The following BBS9 variants were observed in gnomAD, a reference collection of about 807,000 sequenced individuals.
The protein encoded by BBS9 is protein PTHB1.
Under a neutral mutation model 117.7 loss-of-function variants are expected in BBS9, and 89 were observed. That is an observed-to-expected ratio of 0.76 (90% CI 0.64 to 0.90). BBS9 has a LOEUF of 0.90. BBS9 is among the 40% of genes least tolerant of loss of function. The pLI is 0.00. For missense variants in BBS9, 982 were observed against 1,042.2 expected (o/e 0.94, Z 0.80); for synonymous variants, 379 against 370.9 (o/e 1.02, Z -0.25).
intron 5 of BBS9, among the ~76,000 whole-genome samples, chr7:33,209,897 T>C (rs1382181088): frequency 6.6e-6 from 1 of 152,158 alleles, no homozygotes; most frequent in African/African-American, 2.4e-5. Flanking sequence ...CATTTATATC[T>C]GCTCTAATCT....
At chr7:33,306,186 A>G (rs564600830) in intron 9 of BBS9, among the ~76,000 whole-genome samples, 4 of 152,004 alleles carry the variant, frequency 2.6e-5, no homozygotes, top group African/African-American at 7.2e-5. Flanking sequence ...TTTAGTTTCC[A>G]TGTGTTTGTA....
intron 10 of BBS9, among the ~76,000 whole-genome samples, chr7:33,337,313 A>G (rs1039625565): frequency 6.6e-6 from 1 of 152,108 alleles, no homozygotes; most frequent in South Asian, 2.1e-4. Flanking sequence ...TTCCCTTTTC[A>G]GGGTCAGGTA....
chr7:33,404,251 G>T (rs1829500353), intron 19 of BBS9, among the ~76,000 whole-genome samples: 1 of 152,084 alleles, frequency 6.6e-6, no homozygotes, highest in South Asian at 2.1e-4. Context: ...CTGTAGCCTT[G>T]TAGTATAGTT....
At chr7:33,366,938 AT>A (rs1169989549) in intron 16 of BBS9, among the ~76,000 whole-genome samples, 1 of 152,154 alleles carries the variant, frequency 6.6e-6, no homozygotes, top group Non-Finnish European at 1.5e-5. Context: ...GGAGTTCTTC[AT>A]GGATGGTAGT....
At chr7:33,215,854 A>G (rs1277906364) in intron 5 of BBS9, among the ~76,000 whole-genome samples, 2 of 152,266 alleles carry the variant, frequency 1.3e-5, no homozygotes, top group Non-Finnish European at 1.5e-5. Flanking sequence ...GAATAATTTT[A>G]TGATTAGATT....
chr7:33,243,438 C>A (rs565589531), intron 5 of BBS9, among the ~76,000 whole-genome samples: 137 of 152,252 alleles, frequency 9.0e-4, no homozygotes, highest in Middle Eastern at 3.4e-3. Context: ...ATAGTAAAAG[C>A]CTATGCAGTA....
intron 5 of BBS9, among the ~76,000 whole-genome samples, chr7:33,227,615 C>T (rs1166018043): frequency 6.6e-6 from 1 of 152,018 alleles, no homozygotes; most frequent in East Asian, 1.9e-4. Context: ...ACCCCATTCC[C>T]AACCTTCCCC....
chr7:33,373,871 T>C (rs565592519), intron 17 of BBS9, among the ~76,000 whole-genome samples: 6 of 152,206 alleles, frequency 3.9e-5, no homozygotes, highest in Non-Finnish European at 7.4e-5. Flanking sequence ...GGCCTTGAAA[T>C]AGGATTTCTT....
intron 21 of BBS9, among the ~76,000 whole-genome samples, chr7:33,564,865 A>G (rs961942088): frequency 9.2e-5 from 14 of 152,184 alleles, no homozygotes; most frequent in African/African-American, 3.4e-4. Flanking sequence ...TGAGGTAAAG[A>G]ATGATTTGTA....
At chr7:33,394,231 C>A (rs1041280031) in intron 19 of BBS9, among the ~76,000 whole-genome samples, 1 of 152,116 alleles carries the variant, frequency 6.6e-6, no homozygotes, top group African/African-American at 2.4e-5. Flanking sequence ...TAAAAAAGAA[C>A]AAGATTATGT....
At chr7:33,315,311 G>A (rs1810248004) in intron 9 of BBS9, among the ~76,000 whole-genome samples, 1 of 152,062 alleles carries the variant, frequency 6.6e-6, no homozygotes, top group African/African-American at 2.4e-5. Flanking sequence ...CATCATTGCA[G>A]TCTCTTCCTC....
At chr7:33,365,810 G>A (rs564178387) in intron 16 of BBS9, among the ~76,000 whole-genome samples, 2 of 152,362 alleles carry the variant, frequency 1.3e-5, no homozygotes, top group Admixed American at 6.5e-5. Context: ...CGGGGAGCCC[G>A]AGATGGGAGC....
chr7:33,461,183 G>A (rs1839421326), intron 19 of BBS9, among the ~76,000 whole-genome samples: 1 of 151,954 alleles, frequency 6.6e-6, no homozygotes, highest in African/African-American at 2.4e-5. Context: ...TGTGAATAGA[G>A]CTGCTATGAA....
rs551898882 is a variant in BBS9, at chr7:33,186,436, T to C, written c.442+8845T>C. The stretch of plus-strand genomic sequence containing the variant: ...TAGTCACACTAAACTGCCTCCTTGA[T>C]TGGGCTGTGAGTGAATTTACCTCCT... On this transcript the variant is annotated intron_variant, in intron 5 of 22. Transcript: ENST00000242067. 2.3e-4 allele frequency among the ~76,000 whole-genome samples: 35 copies of C among 152,312 alleles called. 1 individual carries two copies. In the South Asian group the frequency reaches 2.5e-3, roughly 11 times the overall value.
chr7:33,190,118 A>AT (rs35553731), intron 5 of BBS9, among the ~76,000 whole-genome samples: 20,022 of 117,754 alleles, frequency 0.17, 2,057 homozygotes, highest in South Asian at 0.24. Flanking sequence ...TTACATGGGG[A>AT]TTTTTTTTTT....
At chr7:33,510,588 T>C (rs1326783129) in intron 20 of BBS9, among the ~76,000 whole-genome samples, 1 of 152,148 alleles carries the variant, frequency 6.6e-6, no homozygotes, top group Non-Finnish European at 1.5e-5. Flanking sequence ...AAAACAGACT[T>C]AGAGCCAATC....
intron 19 of BBS9, among the ~76,000 whole-genome samples, chr7:33,487,089 G>A (rs74716880): frequency 0.018 from 2,815 of 152,268 alleles, 93 homozygotes; most frequent in African/African-American, 0.064. Flanking sequence ...TGTGATATTG[G>A]AAGTCCTTTG....
intron 19 of BBS9, among the ~76,000 whole-genome samples, chr7:33,459,255 T>A (rs1194944047): frequency 1.3e-5 from 2 of 152,028 alleles, no homozygotes; most frequent in Non-Finnish European, 2.9e-5. Context: ...TGCTCAGCAT[T>A]TTGGAAATTT....
chr7:33,181,131 A>T (rs779425813), intron 5 of BBS9, among the ~76,000 whole-genome samples: 1 of 152,146 alleles, frequency 6.6e-6, no homozygotes, highest in African/African-American at 2.4e-5. Flanking sequence ...GGATCCTGTC[A>T]TAGGATTTGT....
Sources: gnomAD v4.1 joint callset for allele counts (sites outside exome capture counted in the v4.1 genomes callset) on GRCh38, gnomAD v4.1.1 for gene constraint, MANE v1.5 for transcripts, NCBI Gene and HGNC (gene_info 2026-07-23, HGNC 2026-07-21) for gene names.